Variants in PCDHGB5 observed in about 807,000 individuals in gnomAD.
PCDHGB5 encodes the protein protocadherin gamma-B5.
Under a neutral mutation model 62.9 loss-of-function variants are expected in PCDHGB5, and 48 were observed. That is an observed-to-expected ratio of 0.76 (90% confidence interval 0.61 to 0.97). PCDHGB5 has a LOEUF of 0.97. Among genes scored for constraint, PCDHGB5 ranks in the 50% least tolerant of loss-of-function variants. PCDHGB5 has a pLI of 0.00. For missense variants in PCDHGB5, 1,118 were observed against 1,198.6 expected (o/e 0.93, Z 0.99); for synonymous variants, 474 against 511.2 (o/e 0.93, Z 0.98).
chr5:141,498,093 G>T (rs975304630), intron 2 of PCDHGB5, among the ~76,000 whole-genome samples: 4 of 152,220 alleles, frequency 2.6e-5, no homozygotes, highest in Admixed American at 1.3e-4. Context: ...AATTGTATCT[G>T]GTGGTGTGGG....
intron 1 of PCDHGB5, chr5:141,420,085 C>T: frequency 1.2e-6 from 2 of 1,614,028 alleles, no homozygotes; most frequent in Middle Eastern, 1.6e-4. Context: ...GTCCCCCCAA[C>T]TACAGTGAGG....
chr5:141,432,137 T>A lies in PCDHGB5; in HGVS notation c.2397+31613T>A. On this transcript the variant is annotated intron_variant, in intron 1 of 3. Coordinates refer to ENST00000617380, the MANE Select transcript of PCDHGB5 (RefSeq NM_018925.3). The surrounding 1 kb of genome is among the most constrained non-coding windows in gnomAD (Gnocchi z 6.0). ...CTTCCCTCAGGCCTCCTATTCCGCT[T>A]ATATCCCAGAGAACAATCCCAGAGG... 6.2e-7 allele frequency: 1 copy of A among 1,613,964 alleles called. No homozygotes were observed. Among genetic ancestry groups the A allele is most frequent in the Non-Finnish European group, 8.5e-7 (1 of 1,179,984 alleles).
chr5:141,504,434 A>C (rs2099838201), intron 2 of PCDHGB5, among the ~76,000 whole-genome samples: 1 of 152,234 alleles, frequency 6.6e-6, no homozygotes, highest in South Asian at 2.1e-4. Flanking sequence ...CAACAGCTGC[A>C]GTGTGACTAG....
At chr5:141,409,798 G>T (rs2095317053) in intron 1 of PCDHGB5, 1 of 1,611,672 alleles carries the variant, frequency 6.2e-7, no homozygotes, top group South Asian at 1.1e-5. Context: ...CGCTCACGCT[G>T]CAGGCCCGCG....
Position 141,491,498 on chromosome 5 carries a change from C to G in PCDHGB5, c.2398-3309C>G. Reference sequence around the variant, plus strand: ...TCCAGCCCCAACCTGCAGGTGAGCTCGGACGGCACGCTCAAGTACATGGAG... The same window carrying G: ...TCCAGCCCCAACCTGCAGGTGAGCTGGGACGGCACGCTCAAGTACATGGAG... On this transcript the variant is annotated intron_variant, in intron 1 of 3. Transcript: ENST00000617380. The surrounding 1 kb of genome is among the most constrained non-coding windows in gnomAD (Gnocchi z 6.9). The G allele has an allele frequency of 6.2e-7, 1 of 1,614,102 alleles. No homozygotes were observed. Among genetic ancestry groups the G allele is most frequent in the Non-Finnish European group, 8.5e-7 (1 of 1,180,018 alleles).
At chr5:141,469,424 AC>A (rs1173507321) in intron 1 of PCDHGB5, among the ~76,000 whole-genome samples, 1 of 151,864 alleles carries the variant, frequency 6.6e-6, no homozygotes, top group East Asian at 1.9e-4. Context: ...AAAATATAAA[AC>A]TTAGCTGGGC....
chr5:141,494,790 C>A lies in PCDHGB5; in HGVS notation c.2398-17C>A, dbSNP rs909145. 17 of 1,614,014 alleles carry A rather than the reference C, an allele frequency of 1.1e-5. 1 individual carries two copies. The South Asian group carries it at 1.9e-4, about 18-fold the overall frequency. ...TCTCACGGGTACTCAGCCCCTTTCC[C>A]TCTGTTTTCTCCACAGCAAGCCCCG... On this transcript the variant is annotated splice_polypyrimidine_tract_variant and intron_variant, in intron 1 of 3. Transcript: ENST00000617380.
At position 141,431,374 on chromosome 5, in the gene PCDHGB5, G is replaced by T. The variant is rs1561851775; in HGVS notation, c.2397+30850G>T. On this transcript the variant is annotated intron_variant, in intron 1 of 3. Coordinates refer to ENST00000617380, the MANE Select transcript of PCDHGB5 (RefSeq NM_018925.3). The surrounding 1 kb of genome is among the most constrained non-coding windows in gnomAD (Gnocchi z 4.8). ...AACGCGCCCTGGACCGCGAAGAAAA[G>T]GCTGCTCACCACCTGGTCCTTACGG... 1.9e-6 allele frequency: 3 copies of T among 1,613,862 alleles called. No individual in the cohort carries two copies. Among genetic ancestry groups the T allele is most frequent in the Non-Finnish European group, 2.5e-6 (3 of 1,180,044 alleles).
chr5:141,408,105 G>A (rs566753835), intron 1 of PCDHGB5: 22 of 1,439,788 alleles, frequency 1.5e-5, no homozygotes, highest in Admixed American at 8.2e-5. Context: ...TCCGAGACCC[G>A]GGACTCCTCC....
intron 1 of PCDHGB5, chr5:141,421,360 T>G (rs549572548): frequency 6.2e-7 from 1 of 1,613,980 alleles, no homozygotes; most frequent in African/African-American, 1.3e-5. Context: ...AAAGGGCTCC[T>G]TCGTGGGCAA....
chr5:141,479,676 G>A (rs2099503035), intron 1 of PCDHGB5: 1 of 152,242 alleles, frequency 6.6e-6, no homozygotes, highest in African/African-American at 2.4e-5. Context: ...CAAAAGGAGA[G>A]TCTTTTTGGT....
chr5:141,482,069 G>A (rs892777397), intron 1 of PCDHGB5, among the ~76,000 whole-genome samples: 1 of 138,078 alleles, frequency 7.2e-6, no homozygotes, highest in Non-Finnish European at 1.5e-5. Context: ...TGGGCAACAA[G>A]AACAAAACTC....
chr5:141,424,353 T>C (rs923306479), intron 1 of PCDHGB5: 1 of 152,246 alleles, frequency 6.6e-6, no homozygotes, highest in African/African-American at 2.4e-5. Flanking sequence ...GGAGATAAAA[T>C]TTAGATCACA....
chr5:141,432,715 C>T lies in PCDHGB5; in HGVS notation c.2397+32191C>T. 1 of 1,613,996 alleles carries T rather than the reference C, an allele frequency of 6.2e-7. No individual in the cohort carries two copies. The highest frequency in any genetic ancestry group is 8.5e-7 in the Non-Finnish European group (1 of 1,179,970). ...TGGCCGTCCAGGACCACGGCCAGCC[C>T]CCTCTCTCCGCCACTGTCACGCTCA... On this transcript the variant is annotated intron_variant, in intron 1 of 3. Transcript: ENST00000617380. This position sits in a 1 kb window ranked among gnomAD's most constrained non-coding sequence, Gnocchi z 6.0.
At chr5:141,472,745 G>A (rs931198460) in intron 1 of PCDHGB5, among the ~76,000 whole-genome samples, 4 of 152,038 alleles carry the variant, frequency 2.6e-5, no homozygotes, top group African/African-American at 9.7e-5. Flanking sequence ...CAGCACTTTG[G>A]GAGGCGGAGG....
chr5:141,505,925 C>T (rs1161562658), intron 3 of PCDHGB5, among the ~76,000 whole-genome samples: 4 of 152,140 alleles, frequency 2.6e-5, no homozygotes, highest in Admixed American at 1.3e-4. Context: ...CTGGGCCTGG[C>T]GCTTGGAAGC....
Position 141,485,627 on chromosome 5 carries a change from T to C in PCDHGB5, c.2398-9180T>C. 3 of 1,612,072 alleles carry C rather than the reference T, an allele frequency of 1.9e-6. No individual in the cohort carries two copies. Among genetic ancestry groups the C allele is most frequent in the Non-Finnish European group, 2.5e-6 (3 of 1,178,530 alleles). On this transcript the variant is annotated intron_variant, in intron 1 of 3. Transcript: ENST00000617380. This position sits in a 1 kb window ranked among gnomAD's most constrained non-coding sequence, Gnocchi z 5.7. ...GGAGGCAGCTCCTCCAGGACAGCGT[T>C]TCCCGTTGGAAAAGGCTCAGGATGC...
chr5:141,419,699 C>A (rs1488905080), intron 1 of PCDHGB5: 1 of 1,612,924 alleles, frequency 6.2e-7, no homozygotes. Context: ...GGCCAGTGAG[C>A]CCGGGCTCTT....
Position 141,431,887 on chromosome 5 carries a change from T to G in PCDHGB5, c.2397+31363T>G. ...TTTTAAATGTAAATGACCAAGATTC[T>G]GAGGAAAACGGACAGGTGATCTGTT... On this transcript the variant is annotated intron_variant, in intron 1 of 3. Transcript: ENST00000617380. The surrounding 1 kb of genome is among the most constrained non-coding windows in gnomAD (Gnocchi z 4.8). 6.2e-7 allele frequency: 1 copy of G among 1,614,190 alleles called. No individual in the cohort carries two copies. Among genetic ancestry groups the G allele is most frequent in the Non-Finnish European group, 8.5e-7 (1 of 1,179,996 alleles).
Sources: gnomAD v4.1 joint callset for allele counts (sites outside exome capture counted in the v4.1 genomes callset) on GRCh38, gnomAD v4.1.1 for gene constraint, Gnocchi (gnomAD v3.1) non-coding constraint, MANE v1.5 for transcripts, NCBI Gene and HGNC (gene_info 2026-07-23, HGNC 2026-07-21) for gene names.